Variants in ZMAT4 observed in about 807,000 individuals in gnomAD.
ZMAT4 encodes the protein zinc finger matrin-type 4, also known as zinc finger matrin-type protein 4.
In ZMAT4, 17 loss-of-function variants were observed where a neutral mutation model predicts 28.7. That is an observed-to-expected ratio of 0.59 (90% CI 0.41 to 0.89). The LOEUF is 0.89. ZMAT4 is among the 40% of genes least tolerant of loss of function. ZMAT4 has a pLI of 0.00. For synonymous variants in ZMAT4, 117 were observed against 109.2 expected (o/e 1.07, Z -0.44); for missense variants, 240 against 283.8 (o/e 0.85, Z 1.11).
chr8:40,807,786 G>T (rs1815155250), intron 2 of ZMAT4, among the ~76,000 whole-genome samples: 1 of 152,100 alleles, frequency 6.6e-6, no homozygotes, highest in Non-Finnish European at 1.5e-5. Flanking sequence ...CTCCTCAACA[G>T]GATTAGAAAA....
chr8:40,612,219 A>AATGACGTGATCTTGGC (rs1343159518), intron 5 of ZMAT4, among the ~76,000 whole-genome samples: 2 of 141,172 alleles, frequency 1.4e-5, no homozygotes, highest in African/African-American at 2.5e-5. Context: ...ATGCTCATTC[A>AATGACGTGATCTTGGC]TATCCTCTGT....
intron 3 of ZMAT4, among the ~76,000 whole-genome samples, chr8:40,712,038 A>G (rs923517835): frequency 6.6e-6 from 1 of 152,180 alleles, no homozygotes; most frequent in Non-Finnish European, 1.5e-5. Flanking sequence ...CTCCCTAACT[A>G]TAACTTTTAA....
At chr8:40,604,076 C>G (rs1805495133) in intron 5 of ZMAT4, among the ~76,000 whole-genome samples, 1 of 152,128 alleles carries the variant, frequency 6.6e-6, no homozygotes, top group South Asian at 2.1e-4. Flanking sequence ...ATTTTGTATC[C>G]TGAAACTTTA....
intron 3 of ZMAT4, among the ~76,000 whole-genome samples, chr8:40,718,798 A>C (rs955506491): frequency 2.6e-5 from 4 of 152,346 alleles, no homozygotes; most frequent in African/African-American, 9.6e-5. Flanking sequence ...TCTATAGATA[A>C]GAGTTCTGGG....
rs188957116 is a variant in ZMAT4 at position 40,818,513 on chromosome 8, T to C, written c.102+7062A>G. Among the ~76,000 whole-genome samples the C allele has an allele frequency of 9.2e-5, 14 of 152,362 alleles. No homozygotes were observed. The East Asian group carries it at 2.1e-3, about 23-fold the overall frequency. On this transcript the variant is annotated intron_variant, in intron 2 of 6. Coordinates refer to ENST00000297737, the MANE Select transcript of ZMAT4 (RefSeq NM_024645.3). Reference sequence around the variant, plus strand: ...TGTACCAATAACTGTACTAACATCATCTGGGAGAAATTAAGCACTCATGAT... The same window carrying C: ...TGTACCAATAACTGTACTAACATCACCTGGGAGAAATTAAGCACTCATGAT...
intron 1 of ZMAT4, among the ~76,000 whole-genome samples, chr8:40,880,241 T>C (rs1818174490): frequency 6.6e-6 from 1 of 151,672 alleles, no homozygotes. Context: ...TCGTGGCACA[T>C]GCCTGTAATC....
At chr8:40,818,912 G>A (rs1815644717) in intron 2 of ZMAT4, among the ~76,000 whole-genome samples, 3 of 152,142 alleles carry the variant, frequency 2.0e-5, no homozygotes, top group Admixed American at 2.0e-4. Context: ...GGCAACAAAG[G>A]CATTAGCAGC....
At chr8:40,627,465 G>C (rs913108960) in intron 5 of ZMAT4, among the ~76,000 whole-genome samples, 6 of 152,024 alleles carry the variant, frequency 3.9e-5, no homozygotes, top group African/African-American at 1.2e-4. Flanking sequence ...TACACACACA[G>C]AGAAAATATT....
At chr8:40,698,726 A>G (rs188783930) in intron 3 of ZMAT4, among the ~76,000 whole-genome samples, 5 of 152,304 alleles carry the variant, frequency 3.3e-5, no homozygotes, top group African/African-American at 1.2e-4. Context: ...TCCTTAAGAC[A>G]TTAGTCTGTA....
chr8:40,765,419 A>C (rs901691628), intron 3 of ZMAT4, among the ~76,000 whole-genome samples: 1 of 152,174 alleles, frequency 6.6e-6, no homozygotes, highest in African/African-American at 2.4e-5. Flanking sequence ...AAAAGCATCA[A>C]CTATCACTCT....
At chr8:40,573,729 T>A (rs1477964748) in intron 6 of ZMAT4, among the ~76,000 whole-genome samples, 1 of 152,156 alleles carries the variant, frequency 6.6e-6, no homozygotes, top group Admixed American at 6.5e-5. Context: ...AAAGCTATAG[T>A]TAGGATGAGC....
At chr8:40,713,490 A>G (rs190048513) in intron 3 of ZMAT4, among the ~76,000 whole-genome samples, 230 of 152,342 alleles carry the variant, frequency 1.5e-3, no homozygotes, top group African/African-American at 5.4e-3. Context: ...TGGCAAAAAA[A>G]TATTAACCAT....
At chr8:40,625,520 C>A (rs965452931) in intron 5 of ZMAT4, among the ~76,000 whole-genome samples, 1 of 151,918 alleles carries the variant, frequency 6.6e-6, no homozygotes, top group Non-Finnish European at 1.5e-5. Flanking sequence ...TATTTGGGAG[C>A]AGAGAATACT....
chr8:40,891,062 G>A (rs781677182), intron 1 of ZMAT4, among the ~76,000 whole-genome samples: 58 of 150,868 alleles, frequency 3.8e-4, no homozygotes, highest in Admixed American at 1.8e-3. Context: ...GGCTGGATGC[G>A]GCAGTGTGTG....
chr8:40,536,566 G>C (rs1802853817), intron 6 of ZMAT4, among the ~76,000 whole-genome samples: 1 of 152,136 alleles, frequency 6.6e-6, no homozygotes, highest in Non-Finnish European at 1.5e-5. Flanking sequence ...CTGGATCACA[G>C]AAAATCAGGT....
At chr8:40,706,971 A>C (rs1810383966) in intron 3 of ZMAT4, among the ~76,000 whole-genome samples, 1 of 151,930 alleles carries the variant, frequency 6.6e-6, no homozygotes, top group African/African-American at 2.4e-5. Context: ...TAACTTAAAA[A>C]CTCATTGAAT....
intron 1 of ZMAT4, chr8:40,884,425 AT>A (rs34072708): frequency 0.24 from 35,113 of 147,522 alleles, 4,290 homozygotes; most frequent in East Asian, 0.45. Flanking sequence ...TTGACATTTC[AT>A]TTTTTTTTTT....
intron 5 of ZMAT4, among the ~76,000 whole-genome samples, chr8:40,599,403 A>ATATG (rs1554525060): frequency 1.3e-5 from 2 of 151,734 alleles, no homozygotes; most frequent in Non-Finnish European, 2.9e-5. Flanking sequence ...GTGTATATAT[A>ATATG]TGTGTGTGTG....
intron 1 of ZMAT4, among the ~76,000 whole-genome samples, chr8:40,851,281 T>C (rs773211990): frequency 1.3e-4 from 20 of 152,142 alleles, no homozygotes; most frequent in Non-Finnish European, 2.1e-4. Flanking sequence ...TGAGCCAAGA[T>C]TGCACCATTG....
Sources: gnomAD v4.1 joint callset for allele counts (sites outside exome capture counted in the v4.1 genomes callset) on GRCh38, gnomAD v4.1.1 for gene constraint, MANE v1.5 for transcripts, NCBI Gene and HGNC (gene_info 2026-07-23, HGNC 2026-07-21) for gene names.